KCNC1: variants seen among roughly 807,000 people sequenced by gnomAD.
The protein encoded by KCNC1 is voltage-gated potassium channel KCNC1.
KCNC1 carries 8 observed loss-of-function variants against 43.4 expected under a neutral mutation model. That is an observed-to-expected ratio of 0.18 (90% CI 0.11 to 0.33). The LOEUF is 0.33. Ranked by LOEUF, KCNC1 falls within the 10% of genes least tolerant of loss-of-function variation. KCNC1 has a pLI of 1.00. For missense variants in KCNC1, 420 were observed against 836.0 expected (o/e 0.50, Z 6.14); for synonymous variants, 361 against 360.5 (o/e 1.00, Z -0.01).
rs1239094556 is a variant in KCNC1, at chr11:17,776,645, C to G, written c.1505-2811C>G. ...TGCAGGCCTGTGGGTCTAGTGGGGG[C>G]CTGGGGGCCCTGGGCTGGGGGAGGC... On this transcript the variant is annotated intron_variant, in intron 2 of 3. Coordinates refer to ENST00000265969, the MANE Select transcript of KCNC1 (RefSeq NM_001112741.2). The surrounding 1 kb of genome is among the most constrained non-coding windows in gnomAD (Gnocchi z 4.4). 1.0e-6 allele frequency: 1 copy of G among 985,274 alleles called. No homozygotes were observed. Among genetic ancestry groups the G allele is most frequent in the Non-Finnish European group, 1.2e-6 (1 of 829,932 alleles). 61.0% of individuals were successfully genotyped at this position (985,274 alleles called of 1,614,324 possible). A position where few individuals can be genotyped will look rare whatever the true frequency, so the allele number is the denominator to read the frequency against.
chr11:17,747,948 C>T (rs1277222915), intron 1 of KCNC1, among the ~76,000 whole-genome samples: 1 of 152,180 alleles, frequency 6.6e-6, no homozygotes, highest in Non-Finnish European at 1.5e-5. Context: ...TGCACATAAA[C>T]ACAGTCCATG....
chr11:17,776,638 G>C lies in KCNC1; in HGVS notation c.1505-2818G>C. 1.0e-6 allele frequency: 1 copy of C among 985,434 alleles called. No homozygotes were observed. Among genetic ancestry groups the C allele is most frequent in the Non-Finnish European group, 1.2e-6 (1 of 829,966 alleles). 61.0% of individuals were successfully genotyped at this position (985,434 alleles called of 1,614,324 possible). A position where few individuals can be genotyped will look rare whatever the true frequency, so the allele number is the denominator to read the frequency against. On this transcript the variant is annotated intron_variant, in intron 2 of 3. Transcript: ENST00000265969. This position sits in a 1 kb window ranked among gnomAD's most constrained non-coding sequence, Gnocchi z 4.4. ...TCATCACTGCAGGCCTGTGGGTCTA[G>C]TGGGGGCCTGGGGGCCCTGGGCTGG...
chr11:17,776,383 A>AC lies in KCNC1; in HGVS notation c.1505-3070dup. The AC allele has an allele frequency of 1.0e-6, 1 of 984,878 alleles. No homozygotes were observed. Among genetic ancestry groups the AC allele is most frequent in the South Asian group, 4.7e-5 (1 of 21,236 alleles). The allele number at this position is 984,878 out of a possible 1,614,324, so 61.0% of individuals were successfully genotyped here. On this transcript the variant is annotated intron_variant, in intron 2 of 3. Coordinates refer to ENST00000265969, the MANE Select transcript of KCNC1 (RefSeq NM_001112741.2). The surrounding 1 kb of genome is among the most constrained non-coding windows in gnomAD (Gnocchi z 4.4). ...CCAAGGAAATGCCCAGCAACCCCCA[A>AC]CCCACCCCAGCCCCGCGTGCGCCCC...
intron 1 of KCNC1, among the ~76,000 whole-genome samples, chr11:17,743,001 C>A (rs527475500): frequency 6.6e-6 from 1 of 152,352 alleles, no homozygotes; most frequent in South Asian, 2.1e-4. Context: ...CCAACCCAGA[C>A]TTGACCCAAA....
Position 17,772,231 on chromosome 11 carries a change from T to C in KCNC1, c.1137T>C (p.Ser379=), listed in dbSNP as rs774880418. The C allele has an allele frequency of 1.5e-5, 25 of 1,613,936 alleles. No homozygotes were observed. The South Asian group carries it at 2.7e-4, about 18-fold the overall frequency. Residue 379 remains serine, a synonymous_variant, in exon 2 of 4, where the codon AGT becomes AGC. Coordinates refer to ENST00000265969, the MANE Select transcript of KCNC1 (RefSeq NM_001112741.2). ...IGAQPNDPSA[S]EHTHFKNIPI... Reference sequence around the variant, plus strand: ...CACAGCCCAATGACCCCAGCGCCAGTGAGCACACGCACTTTAAGAACATCC... The same window carrying C: ...CACAGCCCAATGACCCCAGCGCCAGCGAGCACACGCACTTTAAGAACATCC...
Position 17,735,755 on chromosome 11 carries a change from T to C in KCNC1, c.-248T>C, listed in dbSNP as rs1344900478. The stretch of plus-strand genomic sequence containing the variant: ...CTGCCTCCTCCGCTGCCGGACCAGC[T>C]CCCTCCCACATCTGGCTCCTAGAGA... On this transcript the variant is annotated 5_prime_UTR_variant, in exon 1 of 4. Coordinates refer to ENST00000265969, the MANE Select transcript of KCNC1 (RefSeq NM_001112741.2). The surrounding 1 kb of genome is among the most constrained non-coding windows in gnomAD (Gnocchi z 6.7). 4 of 297,622 alleles carry C rather than the reference T, an allele frequency of 1.3e-5. No homozygotes were observed. Among genetic ancestry groups the C allele is most frequent in the Middle Eastern group, 9.5e-4 (1 of 1,058 alleles). 18.4% of individuals were successfully genotyped at this position (297,622 alleles called of 1,614,324 possible). A position where few individuals can be genotyped will look rare whatever the true frequency, so the allele number is the denominator to read the frequency against.
In KCNC1 at chr11:17,781,361, T is replaced by G; in HGVS notation, c.1694-309T>G. ...CCACCTACATCCATTCGGCCCGCGCTCTCATGGAGCCACGACAGCCGCCGA... is the reference window on the plus strand; with the variant it reads ...CCACCTACATCCATTCGGCCCGCGCGCTCATGGAGCCACGACAGCCGCCGA... On this transcript the variant is annotated intron_variant, in intron 3 of 3. Transcript: ENST00000265969. This position sits in a 1 kb window ranked among gnomAD's most constrained non-coding sequence, Gnocchi z 5.1. The G allele has an allele frequency of 5.9e-6, 2 of 339,388 alleles. No individual in the cohort carries two copies. The highest frequency in any genetic ancestry group is 5.4e-6 in the Non-Finnish European group (1 of 185,902). The allele number at this position is 339,388 out of a possible 1,614,324, so 21.0% of individuals were successfully genotyped here. A position where few individuals can be genotyped will look rare whatever the true frequency, so the allele number is the denominator to read the frequency against.
intron 1 of KCNC1, among the ~76,000 whole-genome samples, chr11:17,767,194 G>T (rs1849160646): frequency 6.7e-6 from 1 of 150,186 alleles, no homozygotes; most frequent in African/African-American, 2.5e-5. Flanking sequence ...TACTTGGGAG[G>T]CTGAGGTGGG....
At chr11:17,772,760 C>T (rs982971385) in intron 2 of KCNC1, 162 bp downstream of exon 2, 24 of 1,488,554 alleles carry the variant, frequency 1.6e-5, no homozygotes, top group African/African-American at 5.6e-5. Flanking sequence ...AGATGCTGGG[C>T]GGCCAAATTC....
chr11:17,770,979 CATT>C (rs1382041863), intron 1 of KCNC1, among the ~76,000 whole-genome samples: 3 of 152,204 alleles, frequency 2.0e-5, no homozygotes, highest in African/African-American at 7.2e-5. Flanking sequence ...ACAGGGAACT[CATT>C]ACCATGTTGT....
At position 17,734,965 on chromosome 11, in the gene KCNC1, C is replaced by G. The variant is rs1197977708; in HGVS notation, c.-1038C>G. The G allele has an allele frequency of 6.6e-6, 1 of 150,696 alleles. No individual in the cohort carries two copies. Among genetic ancestry groups the G allele is most frequent in the African/African-American group, 2.4e-5 (1 of 41,220 alleles). The allele number at this position is 150,696 out of a possible 1,614,324, so 9.3% of individuals were successfully genotyped here. On this transcript the variant is annotated 5_prime_UTR_variant, in exon 1 of 4. Transcript: ENST00000265969. Reference sequence around the variant, plus strand: ...CGCCCGACCTCCGCAGCCCCCGTCTCGGCCGGCAGCGCCCACCGCCTGCCC... The same window carrying G: ...CGCCCGACCTCCGCAGCCCCCGTCTGGGCCGGCAGCGCCCACCGCCTGCCC...
chr11:17,777,277 G>C lies in KCNC1; in HGVS notation c.1505-2179G>C. 1 of 985,808 alleles carries C rather than the reference G, an allele frequency of 1.0e-6. No homozygotes were observed. Among genetic ancestry groups the C allele is most frequent in the Non-Finnish European group, 1.2e-6 (1 of 830,004 alleles). The allele number at this position is 985,808 out of a possible 1,614,324, so 61.1% of individuals were successfully genotyped here. A position where few individuals can be genotyped will look rare whatever the true frequency, so the allele number is the denominator to read the frequency against. ...CCCCCCTCTGACCCACCCCTCCCCA[G>C]GCAAGAACTGCAGGCTGTGGACACC... On this transcript the variant is annotated intron_variant, in intron 2 of 3. Transcript: ENST00000265969. This position sits in a 1 kb window ranked among gnomAD's most constrained non-coding sequence, Gnocchi z 4.3.
At chr11:17,772,979 G>T (rs755868529) in intron 2 of KCNC1, 120 of 1,101,562 alleles carry the variant, frequency 1.1e-4, no homozygotes, top group Non-Finnish European at 1.2e-4. Context: ...GGGACAGAGT[G>T]GGGGCGGGTG....
chr11:17,740,727 A>G (rs1033152631), intron 1 of KCNC1, among the ~76,000 whole-genome samples: 6 of 152,082 alleles, frequency 3.9e-5, no homozygotes, highest in East Asian at 1.9e-4. Context: ...AATGGCCCCC[A>G]AGCTGGGGAA....
At chr11:17,747,281 T>TGGTTATGGGCC (rs1358452097) in intron 1 of KCNC1, among the ~76,000 whole-genome samples, 1 of 152,080 alleles carries the variant, frequency 6.6e-6, no homozygotes, top group African/African-American at 2.4e-5. Context: ...TCCCCATCTG[T>TGGTTATGGGCC]GGTTATGGGC....
At chr11:17,750,045 C>T (rs919979056) in intron 1 of KCNC1, among the ~76,000 whole-genome samples, 3 of 151,958 alleles carry the variant, frequency 2.0e-5, no homozygotes, top group Admixed American at 2.0e-4. Flanking sequence ...TGGGCCTGGC[C>T]AGGCCTGGGT....
Position 17,742,299 on chromosome 11 carries a change from A to G in KCNC1, c.570+5727A>G, listed in dbSNP as rs1848852664. Among the ~76,000 whole-genome samples the G allele has an allele frequency of 2.0e-5, 3 of 151,666 alleles. No homozygotes were observed. The highest frequency in any genetic ancestry group is 4.8e-5 in the African/African-American group (2 of 41,252). ...CTTTGGAGGGGATTGGCTGAAGTCTATCAAGGAGGGAGGTGGTGGTTGTCT... is the reference window on the plus strand; with the variant it reads ...CTTTGGAGGGGATTGGCTGAAGTCTGTCAAGGAGGGAGGTGGTGGTTGTCT... On this transcript the variant is annotated intron_variant, in intron 1 of 3. Coordinates refer to ENST00000265969, the MANE Select transcript of KCNC1 (RefSeq NM_001112741.2). This position sits in a 1 kb window ranked among gnomAD's most constrained non-coding sequence, Gnocchi z 4.2.
In KCNC1 at chr11:17,781,322, AGGGTG is replaced by A; in HGVS notation, c.1694-347_1694-343del. On this transcript the variant is annotated intron_variant, in intron 3 of 3. Coordinates refer to ENST00000265969, the MANE Select transcript of KCNC1 (RefSeq NM_001112741.2). The surrounding 1 kb of genome is among the most constrained non-coding windows in gnomAD (Gnocchi z 5.1). ...GTGCCAGAGTCTTTGGGAGGCGCTA[AGGGTG>A]AAGTGTCCCCACCTACATCCATTCG... 2 of 244,986 alleles carry A rather than the reference AGGGTG, an allele frequency of 8.2e-6. No homozygotes were observed. The highest frequency in any genetic ancestry group is 1.6e-5 in the Non-Finnish European group (2 of 127,148). 15.2% of individuals were successfully genotyped at this position (244,986 alleles called of 1,614,324 possible). A position where few individuals can be genotyped will look rare whatever the true frequency, so the allele number is the denominator to read the frequency against.
intron 1 of KCNC1, among the ~76,000 whole-genome samples, chr11:17,744,078 G>A (rs1459559363): frequency 2.0e-5 from 3 of 152,110 alleles, no homozygotes; most frequent in Non-Finnish European, 4.4e-5. Context: ...TCAGACACCT[G>A]GATTAGAGAG....
Sources: allele counts gnomAD v4.1 joint callset (sites outside exome capture counted in the v4.1 genomes callset), GRCh38; gene constraint gnomAD v4.1.1; non-coding constraint Gnocchi (gnomAD v3.1); transcripts MANE v1.5; gene names NCBI Gene and HGNC (gene_info 2026-07-23, HGNC 2026-07-21).